ATP7B: variants seen among roughly 807,000 people sequenced by gnomAD.
ATP7B encodes ATPase copper transporting beta.
Under a neutral mutation model 118.9 loss-of-function variants are expected in ATP7B, and 113 were observed. That is an observed-to-expected ratio of 0.95 (90% CI 0.82 to 1.11). The LOEUF is 1.11. ATP7B is among the 50% of genes most tolerant of loss of function. The pLI is 0.00. For missense variants in ATP7B, 1,867 were observed against 1,871.4 expected, an observed-to-expected ratio of 1.00 and a Z score of 0.04; for synonymous variants, 777 against 727.4, an observed-to-expected ratio of 1.07 and a Z score of -1.10.
At chr13:51,966,702 C>A in intron 4 of ATP7B, 1 of 1,523,934 alleles carries the variant, frequency 6.6e-7, no homozygotes, top group Non-Finnish European at 8.9e-7. Flanking sequence ...GCCATGCCGA[C>A]GTAGACCCTG....
At chr13:51,955,888 G>A (rs1221795709) in intron 9 of ATP7B, among the ~76,000 whole-genome samples, 3 of 152,206 alleles carry the variant, frequency 2.0e-5, no homozygotes, top group African/African-American at 4.8e-5. Context: ...TGGGGGCAGC[G>A]CAGCACAGTG....
At chr13:51,959,906 A>G in intron 7 of ATP7B, 1 of 550,222 alleles carries the variant, frequency 1.8e-6, no homozygotes, top group Non-Finnish European at 3.3e-6. Flanking sequence ...ATCACTTGCA[A>G]TCAACTGAAA....
At chr13:52,000,947 G>A (rs1378272130) in intron 1 of ATP7B, among the ~76,000 whole-genome samples, 2 of 152,200 alleles carry the variant, frequency 1.3e-5, no homozygotes, top group African/African-American at 4.8e-5. Context: ...TTGAGCCCAG[G>A]AGGTGGAGGT....
At chr13:51,988,362 T>C (rs192891421) in intron 1 of ATP7B, among the ~76,000 whole-genome samples, 1 of 152,252 alleles carries the variant, frequency 6.6e-6, no homozygotes, top group Non-Finnish European at 1.5e-5. Context: ...TGAGATACCA[T>C]CTCATGCCAG....
At chr13:51,997,847 G>A (rs952239977) in intron 1 of ATP7B, among the ~76,000 whole-genome samples, 3 of 152,202 alleles carry the variant, frequency 2.0e-5, no homozygotes, top group Non-Finnish European at 2.9e-5. Flanking sequence ...TTCGCAGATT[G>A]AGCACATGGT....
rs1555290925 is a variant in ATP7B at position 51,957,608 on chromosome 13, C to G, written c.2356-1G>C. ...TAGCCAGGGCTTCTGAGGTTTTGCT[C>G]TAGGAAATAACCAGAATGTGAAATG... is the stretch of plus-strand genomic sequence containing the variant. On this transcript the variant is annotated splice_acceptor_variant, in intron 8 of 20. Transcript: ENST00000242839. LOFTEE classifies it high-confidence loss of function. 2 of 1,613,812 alleles carry G rather than the reference C, an allele frequency of 1.2e-6. No individual in the cohort carries two copies. Among genetic ancestry groups the G allele is most frequent in the Non-Finnish European group, 1.7e-6 (2 of 1,179,708 alleles).
Position 51,954,727 on chromosome 13 carries a change from G to T in ATP7B, c.2447+2789C>A, listed in dbSNP as rs114203717. 4.5e-3 allele frequency among the ~76,000 whole-genome samples: 693 copies of T among 152,322 alleles called. 6 individuals are homozygous for T. Among genetic ancestry groups the T allele is most frequent in the African/African-American group, 0.015 (623 of 41,578 alleles). On this transcript the variant is annotated intron_variant, in intron 9 of 20. Coordinates refer to ENST00000242839, the MANE Select transcript of ATP7B (RefSeq NM_000053.4). ...GAAGGGGAATATTTTTGGGGAAAAAGTGGGGGAAGGTGAAGAAGAATACAG... is the reference window on the plus strand; with the variant it reads ...GAAGGGGAATATTTTTGGGGAAAAATTGGGGGAAGGTGAAGAAGAATACAG...
chr13:51,961,090 G>A (rs1471868264), intron 6 of ATP7B, among the ~76,000 whole-genome samples: 1 of 151,868 alleles, frequency 6.6e-6, no homozygotes, highest in Non-Finnish European at 1.5e-5. Flanking sequence ...GTCCCCAAGG[G>A]TAGCCGCCAC....
intron 16 of ATP7B, 143 bp from the exon 17 acceptor site, chr13:51,939,336 T>C (rs1405725575): frequency 7.3e-7 from 1 of 1,377,988 alleles, no homozygotes; most frequent in African/African-American, 1.4e-5. Flanking sequence ...GTTTTTTTGC[T>C]TTTTAAAAAG....
At position 51,941,148 on chromosome 13, in the gene ATP7B, G is replaced by A. The variant is rs193922106; in HGVS notation, c.3489C>T (p.Ser1163=). The change falls in exon 16 of 21, where the codon AGC becomes AGT. Residue 1163 remains serine, a synonymous_variant. Transcript: ENST00000242839. ...WLRRNGLTIS[S]DVSDAMTDHE... ...GGTCTGTCATAGCGTCACTGACATC[G>A]CTAGAAATGGTTAAACCGTTGCGCC... 4.2e-5 allele frequency: 68 copies of A among 1,614,000 alleles called. No individual in the cohort carries two copies. The highest frequency in any genetic ancestry group is 5.4e-5 in the Non-Finnish European group (64 of 1,180,034).
Position 51,963,602 on chromosome 13 carries a change from G to A in ATP7B, c.1869+1270C>T, listed in dbSNP as rs1334675134. Among the ~76,000 whole-genome samples the A allele has an allele frequency of 3.3e-5, 5 of 152,100 alleles. No individual in the cohort carries two copies. In the East Asian group the frequency reaches 9.7e-4, roughly 29 times the overall value. ...AATACAAAAATTAGCCAGGCATGGTGGCAGGTGCCTGTAATCCCAACTACT... is the reference window on the plus strand; with the variant it reads ...AATACAAAAATTAGCCAGGCATGGTAGCAGGTGCCTGTAATCCCAACTACT... On this transcript the variant is annotated intron_variant, in intron 5 of 20. Transcript: ENST00000242839.
At chr13:51,985,244 C>G (rs1223676475) in intron 1 of ATP7B, among the ~76,000 whole-genome samples, 1 of 151,154 alleles carries the variant, frequency 6.6e-6, no homozygotes, top group Non-Finnish European at 1.5e-5. Flanking sequence ...AAATGGAAAG[C>G]AAAAAAAAGT....
In ATP7B at chr13:51,950,531, TAC is replaced by T. The variant is rs1282322729; in HGVS notation, c.2448-134_2448-133del. 1.5e-5 allele frequency: 20 copies of T among 1,342,626 alleles called. No homozygotes were observed. The Admixed American group carries it at 3.5e-4, about 23-fold the overall frequency. 83.2% of individuals were successfully genotyped at this position (1,342,626 alleles called of 1,614,324 possible). On this transcript the variant is annotated intron_variant, in intron 9 of 20. Transcript: ENST00000242839. ...ACAGTATTCATTTGATCTGTTCATT[TAC>T]AGATATTTATCGTGCAGCTGCTGAA...
chr13:52,011,543 T>G (rs1954038886), upstream of ATP7B: 2 of 658,920 alleles, frequency 3.0e-6, no homozygotes, highest in Non-Finnish European at 5.4e-6. Flanking sequence ...TTCACACGGA[T>G]GATTCAAAGT....
chr13:51,973,994 C>T lies in ATP7B; in HGVS notation c.1226G>A (p.Ser409Asn), dbSNP rs1951972729. 4 of 1,614,226 alleles carry T rather than the reference C, an allele frequency of 2.5e-6. No homozygotes were observed. Among genetic ancestry groups the T allele is most frequent in the East Asian group, 2.2e-5 (1 of 44,892 alleles). ...ATVLYNPSVI[S>N]PEELRAAIED... is the part of the protein sequence containing the mutation. ...TATAGCAGCTCTGAGTTCTTCTGGG[C>T]TAATTACAGAGGGATTATAAAGAAC... is the stretch of plus-strand genomic sequence containing the variant. The change falls in exon 2 of 21, where the codon AGC (serine) becomes AAC (asparagine). Residue 409 changes from serine to asparagine, a missense_variant. Ser to Asn is a conservative substitution (Grantham distance 46). Coordinates refer to ENST00000242839, the MANE Select transcript of ATP7B (RefSeq NM_000053.4).
chr13:51,953,603 T>C lies in ATP7B; in HGVS notation c.2448-3204A>G, dbSNP rs530359041. ...CTCCTACTGGTGAATCTCAATAGCA[T>C]GTATTCTTCAGAAGCTACTATTCCT... On this transcript the variant is annotated intron_variant, in intron 9 of 20. Transcript: ENST00000242839. Among the ~76,000 whole-genome samples the C allele has an allele frequency of 4.6e-5, 7 of 152,270 alleles. No homozygotes were observed. In the East Asian group the frequency reaches 9.6e-4, roughly 21 times the overall value.
chr13:51,984,469 G>A (rs903944474), intron 1 of ATP7B, among the ~76,000 whole-genome samples: 1 of 152,172 alleles, frequency 6.6e-6, no homozygotes, highest in Non-Finnish European at 1.5e-5. Context: ...GGGGAGAATG[G>A]AACCAAGTTG....
chr13:52,009,054 T>G (rs993346834), intron 1 of ATP7B, among the ~76,000 whole-genome samples: 4 of 152,162 alleles, frequency 2.6e-5, no homozygotes, highest in Admixed American at 6.5e-5. Context: ...TTTCTTTTTT[T>G]TTTGTATAAA....
intron 8 of ATP7B, chr13:51,957,938 T>C: frequency 2.2e-6 from 1 of 459,312 alleles, no homozygotes; most frequent in Non-Finnish European, 4.0e-6. Flanking sequence ...AAGATACATT[T>C]CAGTGTTGGG....
Sources: allele counts gnomAD v4.1 joint callset (sites outside exome capture counted in the v4.1 genomes callset), GRCh38; gene constraint gnomAD v4.1.1; transcripts MANE v1.5; gene names NCBI Gene and HGNC (gene_info 2026-07-23, HGNC 2026-07-21).